Variants in SRR observed in about 807,000 individuals in gnomAD.
The protein encoded by SRR is serine racemase, also known as D-serine ammonia-lyase.
A neutral mutation model predicts 32.7 loss-of-function variants in SRR; 19 were observed. The ratio of observed to expected loss-of-function variants is 0.58; its 90% CI spans 0.40 to 0.85. The LOEUF is 0.85. SRR is among the 40% of genes least tolerant of loss of function. The probability of loss-of-function intolerance (pLI) is 0.00; values close to 1 mark genes in which losing one functional copy is unlikely to be tolerated. For synonymous variants in SRR, 142 were observed against 140.9 expected, an observed-to-expected ratio of 1.01 and a Z score of -0.06; for missense variants, 373 against 404.7, an observed-to-expected ratio of 0.92 and a Z score of 0.67.
At chr17:2,309,425 T>C (rs2075418110) in intron 1 of SRR, among the ~76,000 whole-genome samples, 1 of 152,200 alleles carries the variant, frequency 6.6e-6, no homozygotes, top group African/African-American at 2.4e-5. Flanking sequence ...CTTTTTTCTT[T>C]TCTTTGTTTT....
rs954659943 is a variant in SRR at position 2,307,115 on chromosome 17, A to G, written c.-5+3098A>G. On this transcript the variant is annotated intron_variant, in intron 1 of 7. Coordinates refer to ENST00000344595, the MANE Select transcript of SRR (RefSeq NM_021947.3). ...GGCATTAACGAAGACACTGAAGAATATCACCTAAGTGATTATTTTGAACAG... is the reference window on the plus strand; with the variant it reads ...GGCATTAACGAAGACACTGAAGAATGTCACCTAAGTGATTATTTTGAACAG... 3.5e-6 allele frequency: 4 copies of G among 1,130,306 alleles called. No individual in the cohort carries two copies. The African/African-American group carries it at 6.1e-5, about 17-fold the overall frequency. 70.0% of individuals were successfully genotyped at this position (1,130,306 alleles called of 1,614,324 possible).
Position 2,317,436 on chromosome 17 carries a change from C to T in SRR, c.169-434C>T, listed in dbSNP as rs546827970. 2.6e-5 allele frequency among the ~76,000 whole-genome samples: 4 copies of T among 151,760 alleles called. No homozygotes were observed. In the South Asian group the frequency reaches 8.3e-4, roughly 31 times the overall value. ...CTGAGGCAGGAGAATGGCGTGAACC[C>T]GGGAGGCGGAGCTTGCAGTGAGCCG... On this transcript the variant is annotated intron_variant, in intron 2 of 7. Coordinates refer to ENST00000344595, the MANE Select transcript of SRR (RefSeq NM_021947.3).
At chr17:2,308,745 C>T (rs1038407542) in intron 1 of SRR, among the ~76,000 whole-genome samples, 2 of 151,980 alleles carry the variant, frequency 1.3e-5, no homozygotes, top group African/African-American at 4.8e-5. Flanking sequence ...CACTTGAACC[C>T]AAGAGGCAGA....
intron 6 of SRR, 98 bp downstream of exon 6, chr17:2,321,714 C>T (rs2151436757): frequency 9.3e-7 from 1 of 1,071,440 alleles, no homozygotes; most frequent in African/African-American, 1.6e-5. Flanking sequence ...CACACATTAC[C>T]ATTCCTTCCC....
At chr17:2,307,802 A>G in intron 1 of SRR, 1 of 722,204 alleles carries the variant, frequency 1.4e-6, no homozygotes, top group Non-Finnish European at 2.5e-6. Flanking sequence ...GAACTAAGCC[A>G]AGCACAGTGG....
At position 2,324,239 on chromosome 17, in the gene SRR, T is replaced by A; in HGVS notation, c.*366T>A. ...AGGCACTGTTGAAGAAATCTCACTTTTCAGCCAGGGTACTGGTTCTGGTAC... is the reference window on the plus strand; with the variant it reads ...AGGCACTGTTGAAGAAATCTCACTTATCAGCCAGGGTACTGGTTCTGGTAC... On this transcript the variant is annotated 3_prime_UTR_variant, in exon 8 of 8. Transcript: ENST00000344595. The A allele has an allele frequency of 6.5e-7, 1 of 1,530,478 alleles. No homozygotes were observed. The highest frequency in any genetic ancestry group is 1.3e-5 in the South Asian group (1 of 74,718). 94.8% of individuals were successfully genotyped at this position (1,530,478 alleles called of 1,614,324 possible).
intron 2 of SRR, among the ~76,000 whole-genome samples, chr17:2,316,097 C>T (rs1274645518): frequency 6.6e-6 from 1 of 152,020 alleles, no homozygotes; most frequent in African/African-American, 2.4e-5. Context: ...AAGGTTATAC[C>T]ACACATTTAC....
At chr17:2,314,617 G>GT (rs1298430186) in intron 1 of SRR, among the ~76,000 whole-genome samples, 1 of 151,242 alleles carries the variant, frequency 6.6e-6, no homozygotes, top group Non-Finnish European at 1.5e-5. Context: ...GCTGGGCATG[G>GT]TGGTGCATGC....
chr17:2,318,860 T>C lies in SRR; in HGVS notation c.330T>C (p.Ala110=), dbSNP rs776760661. 1.9e-6 allele frequency: 3 copies of C among 1,613,604 alleles called. No homozygotes were observed. The highest frequency in any genetic ancestry group is 2.5e-6 in the Non-Finnish European group (3 of 1,179,854). The change falls in exon 4 of 8, where the codon GCT becomes GCC. Residue 110 remains alanine, a synonymous_variant. Coordinates refer to ENST00000344595, the MANE Select transcript of SRR (RefSeq NM_021947.3). ...IPAYIVVPQT[A]PDCKKLAIQA... The stretch of plus-strand genomic sequence containing the variant: ...CTTATATTGTGGTGCCCCAGACAGC[T>C]CCAGACTGTAAAAAACTTGCAATAC...
At position 2,314,331 on chromosome 17, in the gene SRR, C is replaced by T. The variant is rs183385452; in HGVS notation, c.-4-1226C>T. On this transcript the variant is annotated intron_variant, in intron 1 of 7. Transcript: ENST00000344595. The stretch of plus-strand genomic sequence containing the variant: ...GGGTTTGGTGGCTCACGCCTGTAAT[C>T]CCAGCACTTTGGGAGGCCGAGGCAG... Among the ~76,000 whole-genome samples, 15 of 152,192 alleles carry T rather than the reference C, an allele frequency of 9.9e-5. No homozygotes were observed. The East Asian group carries it at 2.9e-3, about 29-fold the overall frequency.
In SRR at chr17:2,317,977, C is replaced by T. The variant is rs770697375; in HGVS notation, c.276C>T (p.Thr92=). 1 of 1,613,242 alleles carries T rather than the reference C, an allele frequency of 6.2e-7. No homozygotes were observed. Among genetic ancestry groups the T allele is most frequent in the South Asian group, 1.1e-5 (1 of 90,928 alleles). Residue 92 remains threonine (T), a synonymous_variant, in exon 3 of 8, where the codon ACC becomes ACT. Transcript: ENST00000344595. ...HSSGNHGQAL[T]YAAKLEGIPA... is the part of the protein sequence containing the mutation. Reference sequence around the variant, plus strand: ...GTGGAAACCATGGCCAGGCTCTCACCTATGCTGCCAAATTGGAAGGTACTT... The same window carrying T: ...GTGGAAACCATGGCCAGGCTCTCACTTATGCTGCCAAATTGGAAGGTACTT...
At chr17:2,310,647 C>A (rs1326153883) in intron 1 of SRR, among the ~76,000 whole-genome samples, 2 of 151,348 alleles carry the variant, frequency 1.3e-5, no homozygotes, top group Non-Finnish European at 2.9e-5. Context: ...GGAACATTCT[C>A]GGCTTACTGC....
chr17:2,317,766 A>G, intron 2 of SRR, 104 bp from the exon 3 acceptor site: 1 of 1,212,470 alleles, frequency 8.2e-7, no homozygotes, highest in Non-Finnish European at 1.2e-6. Context: ...AGATTTGGTG[A>G]CAGATTGGAT....
chr17:2,318,095 C>A, intron 3 of SRR, 99 bp downstream of exon 3: 2 of 1,311,024 alleles, frequency 1.5e-6, no homozygotes, highest in Admixed American at 2.6e-5. Context: ...AAGTAACTTT[C>A]CAAAGAAATC....
At chr17:2,305,933 A>C in intron 1 of SRR, among the ~76,000 whole-genome samples, 1 of 151,316 alleles carries the variant, frequency 6.6e-6, no homozygotes. Context: ...TCCTGACCTC[A>C]GGTGATCCAC....
intron 1 of SRR, chr17:2,307,011 G>A: frequency 7.2e-7 from 1 of 1,386,618 alleles, no homozygotes; most frequent in Non-Finnish European, 1.0e-6. Context: ...GAAGAGTTGT[G>A]GAACCAAAGA....
intron 2 of SRR, 44 bp downstream of exon 2, chr17:2,315,772 C>G (rs758100865): frequency 2.6e-6 from 4 of 1,563,400 alleles, no homozygotes; most frequent in African/African-American, 2.7e-5. Flanking sequence ...TTTTCACACC[C>G]TTTCACATAT....
chr17:2,311,842 G>C (rs1029346048), intron 1 of SRR, among the ~76,000 whole-genome samples: 2 of 152,082 alleles, frequency 1.3e-5, no homozygotes, highest in African/African-American at 4.8e-5. Context: ...AAATACAATA[G>C]CCCCAACCAT....
intron 4 of SRR, 39 bp downstream of exon 4, chr17:2,318,968 CATTT>C: frequency 2.1e-6 from 3 of 1,404,318 alleles, no homozygotes; most frequent in South Asian, 2.3e-5. Flanking sequence ...TAACAGCTTT[CATTT>C]GACCAATGGC....
Sources: allele counts gnomAD v4.1 joint callset (sites outside exome capture counted in the v4.1 genomes callset), GRCh38; gene constraint gnomAD v4.1.1; transcripts MANE v1.5; gene names NCBI Gene and HGNC (gene_info 2026-07-23, HGNC 2026-07-21).